ACMSD: variants seen among roughly 807,000 people sequenced by gnomAD.
ACMSD encodes the protein 2-amino-3-carboxymuconate-6-semialdehyde decarboxylase.
A neutral mutation model predicts 45.9 loss-of-function variants in ACMSD; 37 were observed. The ratio of observed to expected loss-of-function variants is 0.81; its 90% CI spans 0.62 to 1.06. The LOEUF is 1.06. ACMSD is among the 50% of genes least tolerant of loss of function. The pLI is 0.00. For synonymous variants in ACMSD, 138 were observed against 148.8 expected, an observed-to-expected ratio of 0.93 and a Z score of 0.53; for missense variants, 434 against 420.9, an observed-to-expected ratio of 1.03 and a Z score of -0.27.
intron 1 of ACMSD, among the ~76,000 whole-genome samples, chr2:134,843,921 C>T (rs2104810454): frequency 6.6e-6 from 1 of 152,328 alleles, no homozygotes; most frequent in Admixed American, 6.5e-5. Context: ...AGCACCTGTG[C>T]ATCACAGTCA....
chr2:134,845,349 G>A (rs1248223815), intron 2 of ACMSD, 72 bp downstream of exon 2: 5 of 1,561,264 alleles, frequency 3.2e-6, no homozygotes, highest in Non-Finnish European at 4.4e-6. Context: ...CTCACTGCAG[G>A]CTGGGCCTCC....
chr2:134,848,551 T>C (rs921466130), intron 2 of ACMSD, among the ~76,000 whole-genome samples: 1 of 152,242 alleles, frequency 6.6e-6, no homozygotes, highest in Non-Finnish European at 1.5e-5. Context: ...CTTTTTTGCA[T>C]GTTTGTTGGG....
At position 134,888,610 on chromosome 2, in the gene ACMSD, A is replaced by C. The variant is rs1291160632; in HGVS notation, c.850-9731A>C. Among the ~76,000 whole-genome samples the C allele has an allele frequency of 2.0e-5, 3 of 152,224 alleles. No individual in the cohort carries two copies. The South Asian group carries it at 6.2e-4, about 31-fold the overall frequency. On this transcript the variant is annotated intron_variant, in intron 8 of 9. Transcript: ENST00000356140. ...CAGAAGCATGGATAAACAAATTACC[A>C]TATATCTGACAAAATGGAATACTAC...
intron 3 of ACMSD, among the ~76,000 whole-genome samples, chr2:134,861,768 T>C (rs1687859554): frequency 6.7e-6 from 1 of 148,804 alleles, no homozygotes; most frequent in Non-Finnish European, 1.5e-5. Flanking sequence ...AATGATCTCA[T>C]TTGTGTCCAA....
chr2:134,847,705 C>A (rs1303306453), intron 2 of ACMSD, among the ~76,000 whole-genome samples: 1 of 152,066 alleles, frequency 6.6e-6, no homozygotes, highest in Non-Finnish European at 1.5e-5. Flanking sequence ...TGAGAACATG[C>A]AGTGTTTGGT....
chr2:134,898,508 C>A, intron 9 of ACMSD, 69 bp downstream of exon 9: 2 of 1,035,552 alleles, frequency 1.9e-6, no homozygotes, highest in South Asian at 2.0e-5. Context: ...GGTTTCAGAG[C>A]ACTTTGATAT....
intron 2 of ACMSD, among the ~76,000 whole-genome samples, chr2:134,851,283 G>A (rs573669018): frequency 6.6e-6 from 1 of 152,290 alleles, no homozygotes; most frequent in Admixed American, 6.5e-5. Context: ...AGGTGCATGT[G>A]TCTTTTTGGT....
At chr2:134,870,247 C>A (rs967912337) in intron 6 of ACMSD, among the ~76,000 whole-genome samples, 1 of 152,196 alleles carries the variant, frequency 6.6e-6, no homozygotes, top group Non-Finnish European at 1.5e-5. Context: ...CCAGCTGCTT[C>A]TCCTAGGAGC....
intron 5 of ACMSD, among the ~76,000 whole-genome samples, chr2:134,865,642 G>A (rs185282919): frequency 6.6e-6 from 1 of 152,122 alleles, no homozygotes; most frequent in Non-Finnish European, 1.5e-5. Flanking sequence ...TCTCTAGTTT[G>A]CGTCAATAAT....
rs912530472 is a variant in ACMSD, at chr2:134,863,424, C to G, written c.279C>G (p.Cys93Trp). 1.2e-6 allele frequency: 2 copies of G among 1,614,208 alleles called. No individual in the cohort carries two copies. Among genetic ancestry groups the G allele is most frequent in the Non-Finnish European group, 1.7e-6 (2 of 1,180,040 alleles). Residue 93 changes from cysteine to tryptophan, a missense_variant, in exon 5 of 10, where the codon TGC becomes TGG. Cys to Trp is a radical substitution (Grantham distance 215). Transcript: ENST00000356140. ...AACCTGAGGACACTTTAAACCTGTGCCAGCTTTTAAACAACGACCTTGCCA... is the reference window on the plus strand; with the variant it reads ...AACCTGAGGACACTTTAAACCTGTGGCAGCTTTTAAACAACGACCTTGCCA... The part of the protein sequence containing the change: ...WAKPEDTLNL[C>W]QLLNNDLAST...
At position 134,863,544 on chromosome 2, in the gene ACMSD, G is replaced by T; in HGVS notation, c.399G>T (p.Val133=). ...CGGTCAAGGAGATGGAGCGCTGTGTGAAAGAGCTGGGCTTTCCCGGGGTCC... is the reference window on the plus strand; with the variant it reads ...CGGTCAAGGAGATGGAGCGCTGTGTTAAAGAGCTGGGCTTTCCCGGGGTCC... ...ELAVKEMERC[V]KELGFPGVQI... The change falls in exon 5 of 10, where the codon GTG becomes GTT. Residue 133 remains valine (V), a synonymous_variant. Coordinates refer to ENST00000356140, the MANE Select transcript of ACMSD (RefSeq NM_138326.3). 1 of 1,614,204 alleles carries T rather than the reference G, an allele frequency of 6.2e-7. No homozygotes were observed. The highest frequency in any genetic ancestry group is 8.5e-7 in the Non-Finnish European group (1 of 1,180,020).
chr2:134,874,055 T>C (rs1368633230), intron 8 of ACMSD, among the ~76,000 whole-genome samples: 3 of 152,232 alleles, frequency 2.0e-5, no homozygotes, highest in African/African-American at 2.4e-5. Context: ...TAAGGGATAC[T>C]ATCAGCACCT....
chr2:134,893,360 A>T (rs1559070132), intron 8 of ACMSD, among the ~76,000 whole-genome samples: 1 of 151,844 alleles, frequency 6.6e-6, no homozygotes, highest in Non-Finnish European at 1.5e-5. Flanking sequence ...CACCACACCA[A>T]GCTAATTTGT....
chr2:134,870,874 T>C, intron 6 of ACMSD, 91 bp from the exon 7 acceptor site: 2 of 1,115,756 alleles, frequency 1.8e-6, no homozygotes, highest in Non-Finnish European at 2.7e-6. Flanking sequence ...CTCAAGTTTC[T>C]TTGCACTGAC....
chr2:134,851,169 G>C (rs1204880743), intron 2 of ACMSD, among the ~76,000 whole-genome samples: 8 of 152,136 alleles, frequency 5.3e-5, no homozygotes, highest in African/African-American at 1.9e-4. Context: ...GGTGTATATG[G>C]AATATCCATG....
In ACMSD at chr2:134,872,562, A is replaced by C. The variant is rs762844432; in HGVS notation, c.770A>C (p.Lys257Thr). ...CAQDNPMNPK[K>T]YLGSFYTDAL... is the part of the protein sequence containing the mutation. ...CAGGACAACCCCATGAACCCGAAGAAATACCTTGGTTCCTTTTACACAGAT... is the reference window on the plus strand; with the variant it reads ...CAGGACAACCCCATGAACCCGAAGACATACCTTGGTTCCTTTTACACAGAT... Residue 257 changes from lysine to threonine, a missense_variant, in exon 8 of 10, where the codon AAA (lysine) becomes ACA (threonine). By Grantham distance (78) the Lys-to-Thr change is moderately conservative. Transcript: ENST00000356140. 2 of 1,613,948 alleles carry C rather than the reference A, an allele frequency of 1.2e-6. No homozygotes were observed.
chr2:134,871,193 G>T (rs1180479092), intron 7 of ACMSD, 133 bp downstream of exon 7: 1 of 812,318 alleles, frequency 1.2e-6, no homozygotes, highest in Non-Finnish European at 1.9e-6. Flanking sequence ...GTGCTGGCAG[G>T]GTTGGTTTCT....
chr2:134,863,515 C>CG lies in ACMSD; in HGVS notation c.370_371insG (p.Leu124ArgfsTer90). 6.2e-7 allele frequency: 1 copy of CG among 1,614,248 alleles called. No individual in the cohort carries two copies. Among genetic ancestry groups the CG allele is most frequent in the South Asian group, 1.1e-5 (1 of 91,088 alleles). Reference sequence around the variant, plus strand: ...GACGTTGCCCATGCAGGCCCCTGAGCTGGCGGTCAAGGAGATGGAGCGCTG... The same window carrying CG: ...GACGTTGCCCATGCAGGCCCCTGAGCGTGGCGGTCAAGGAGATGGAGCGCTG... On this transcript the variant is annotated frameshift_variant, in exon 5 of 10. Transcript: ENST00000356140. LOFTEE classifies it high-confidence loss of function.
At chr2:134,860,539 A>C (rs561728938) in intron 3 of ACMSD, among the ~76,000 whole-genome samples, 1 of 152,294 alleles carries the variant, frequency 6.6e-6, no homozygotes, top group East Asian at 1.9e-4. Flanking sequence ...GTTTAGCACT[A>C]CCACCTTCCT....
Sources: allele counts gnomAD v4.1 joint callset (sites outside exome capture counted in the v4.1 genomes callset), GRCh38; gene constraint gnomAD v4.1.1; transcripts MANE v1.5; gene names NCBI Gene and HGNC (gene_info 2026-07-23, HGNC 2026-07-21).